Variants in NF2 observed in about 807,000 individuals in gnomAD.
NF2 encodes NF2, moesin-ezrin-radixin like (MERLIN) tumor suppressor.
A neutral mutation model predicts 83.7 loss-of-function variants in NF2; 8 were observed. The observed-to-expected ratio is 0.10, with a 90% CI of 0.06 to 0.17. The LOEUF is 0.17. Among genes scored for constraint, NF2 ranks in the 10% least tolerant of loss-of-function variants. The pLI is 1.00. For synonymous variants in NF2, 266 were observed against 269.6 expected, an observed-to-expected ratio of 0.99 and a Z score of 0.13; for missense variants, 533 against 744.4, an observed-to-expected ratio of 0.72 and a Z score of 3.31.
intron 8 of NF2, among the ~76,000 whole-genome samples, chr22:29,662,383 C>T (rs923558954): frequency 6.6e-6 from 1 of 152,210 alleles, no homozygotes; most frequent in African/African-American, 2.4e-5. Flanking sequence ...CCACCTCAGC[C>T]TCCCAAAGTG....
At chr22:29,618,541 A>G (rs1187533143) in intron 1 of NF2, among the ~76,000 whole-genome samples, 1 of 152,176 alleles carries the variant, frequency 6.6e-6, no homozygotes, top group Non-Finnish European at 1.5e-5. Flanking sequence ...TTCCACTTGA[A>G]AGATTTGTTG....
chr22:29,662,410 G>A (rs771536200), intron 8 of NF2, among the ~76,000 whole-genome samples: 5 of 152,206 alleles, frequency 3.3e-5, no homozygotes, highest in Admixed American at 2.6e-4. Flanking sequence ...TTACAGGTGT[G>A]AGCCACTGTG....
chr22:29,613,071 GGGCAA>G (rs1954136569), intron 1 of NF2, among the ~76,000 whole-genome samples: 3 of 151,838 alleles, frequency 2.0e-5, no homozygotes, highest in Admixed American at 1.3e-4. Flanking sequence ...ACTCCAGCTT[GGGCAA>G]CAAGAGCGAA....
chr22:29,681,294 A>G, intron 14 of NF2, 145 bp from the exon 15 acceptor site: 1 of 884,722 alleles, frequency 1.1e-6, no homozygotes, highest in Non-Finnish European at 1.9e-6. Context: ...CCAAGCTCCC[A>G]TGGCCTGTGA....
intron 8 of NF2, among the ~76,000 whole-genome samples, chr22:29,662,759 G>A (rs1395238632): frequency 6.6e-6 from 1 of 152,232 alleles, no homozygotes; most frequent in Non-Finnish European, 1.5e-5. Flanking sequence ...GCAGAGATTA[G>A]GAGCCAGAGT....
rs1378725834 is a variant in NF2, at chr22:29,639,085, T to C, written c.241-5T>C. The C allele has an allele frequency of 1.9e-6, 3 of 1,614,146 alleles. No individual in the cohort carries two copies. Among genetic ancestry groups the C allele is most frequent in the African/African-American group, 2.7e-5 (2 of 74,956 alleles). On this transcript the variant is annotated splice_region_variant and splice_polypyrimidine_tract_variant and intron_variant, in intron 2 of 15. Transcript: ENST00000338641. Reference sequence around the variant, plus strand: ...GTGTTTGTCTTTTGCTCTGCAATTCTGCAGGTACTGGATCATGATGTTTCA... The same window carrying C: ...GTGTTTGTCTTTTGCTCTGCAATTCCGCAGGTACTGGATCATGATGTTTCA...
intron 1 of NF2, among the ~76,000 whole-genome samples, chr22:29,612,684 GA>G (rs1387253081): frequency 1.3e-5 from 2 of 151,988 alleles, no homozygotes; most frequent in Non-Finnish European, 2.9e-5. Context: ...TAAATAAATA[GA>G]AAATAGCTCT....
intron 6 of NF2, among the ~76,000 whole-genome samples, chr22:29,657,008 G>A (rs1022920488): frequency 1.3e-4 from 19 of 151,334 alleles, no homozygotes; most frequent in Non-Finnish European, 1.5e-4. Context: ...CTTCAAATCA[G>A]TTTCCTAACA....
At chr22:29,688,005 CT>C (rs2067309602) in intron 15 of NF2, among the ~76,000 whole-genome samples, 3 of 152,366 alleles carry the variant, frequency 2.0e-5, no homozygotes, top group Admixed American at 2.0e-4. Flanking sequence ...CTGAAGGCCA[CT>C]CCTACCACTC....
intron 15 of NF2, among the ~76,000 whole-genome samples, chr22:29,686,629 G>T (rs892835346): frequency 5.3e-5 from 8 of 152,206 alleles, no homozygotes; most frequent in Admixed American, 5.2e-4. Flanking sequence ...ACAAGAGCAA[G>T]ATTCCATCTC....
chr22:29,644,131 G>T (rs1390798638), intron 4 of NF2, among the ~76,000 whole-genome samples: 4 of 151,746 alleles, frequency 2.6e-5, no homozygotes, highest in African/African-American at 4.8e-5. Context: ...ATATGGGGCG[G>T]CTGCCTGGCG....
chr22:29,672,939 G>T (rs1422542555), intron 11 of NF2, among the ~76,000 whole-genome samples: 2 of 152,106 alleles, frequency 1.3e-5, no homozygotes, highest in Non-Finnish European at 2.9e-5. Context: ...TCTCTTGCAG[G>T]GGACAAAAAA....
At chr22:29,632,376 G>A (rs1312148311) in intron 1 of NF2, among the ~76,000 whole-genome samples, 1 of 152,088 alleles carries the variant, frequency 6.6e-6, no homozygotes, top group East Asian at 1.9e-4. Context: ...TTTCTACCAT[G>A]AGCCAGTTTA....
chr22:29,666,554 G>A (rs1252779377), intron 9 of NF2, among the ~76,000 whole-genome samples: 3 of 152,022 alleles, frequency 2.0e-5, no homozygotes, highest in South Asian at 2.1e-4. Flanking sequence ...GGTGGCTCAC[G>A]CCTGTAATCT....
chr22:29,644,963 G>A lies in NF2; in HGVS notation c.447+2678G>A, dbSNP rs190388056. ...GAGAGGGAGACCATGGGGAGAGGGA[G>A]AGGGAGAGGGCACTTGTGTGATTTT... On this transcript the variant is annotated intron_variant, in intron 4 of 15. Transcript: ENST00000338641. Among the ~76,000 whole-genome samples the A allele has an allele frequency of 5.6e-3, 848 of 152,244 alleles. 4 individuals carry two copies. Among genetic ancestry groups the A allele is most frequent in the Admixed American group, 0.012 (180 of 15,304 alleles).
chr22:29,644,092 C>T (rs1415504113), intron 4 of NF2, among the ~76,000 whole-genome samples: 1 of 150,956 alleles, frequency 6.6e-6, no homozygotes, highest in African/African-American at 2.4e-5. Context: ...GACGGGGTGG[C>T]TGCCGGGCGG....
At position 29,694,284 on chromosome 22, in the gene NF2, C is replaced by T. The variant is rs1316550416; in HGVS notation, c.1738-468C>T. Among the ~76,000 whole-genome samples, 1 of 152,234 alleles carries T rather than the reference C, an allele frequency of 6.6e-6. No individual in the cohort carries two copies. Among genetic ancestry groups the T allele is most frequent in the Non-Finnish European group, 1.5e-5 (1 of 68,040 alleles). On this transcript the variant is annotated intron_variant, in intron 15 of 15. Transcript: ENST00000338641. The surrounding 1 kb of genome is among the most constrained non-coding windows in gnomAD (Gnocchi z 4.1). ...CCTCATCTGCCACAGGCCTGCCTTG[C>T]CTCAGGCCACGTCACCTTACCCCAG...
intron 4 of NF2, among the ~76,000 whole-genome samples, chr22:29,651,998 A>G (rs2066161354): frequency 6.6e-6 from 1 of 152,142 alleles, no homozygotes; most frequent in Non-Finnish European, 1.5e-5. Flanking sequence ...AATAATAATA[A>G]TACCTGACTT....
intron 13 of NF2, among the ~76,000 whole-genome samples, chr22:29,676,120 A>G (rs1017792501): frequency 2.0e-5 from 3 of 152,048 alleles, no homozygotes; most frequent in Non-Finnish European, 4.4e-5. Flanking sequence ...TGAGCAGTCA[A>G]CTGGGCTGAA....
Sources: gnomAD v4.1 joint callset for allele counts (sites outside exome capture counted in the v4.1 genomes callset) on GRCh38, gnomAD v4.1.1 for gene constraint, Gnocchi (gnomAD v3.1) non-coding constraint, MANE v1.5 for transcripts, NCBI Gene and HGNC (gene_info 2026-07-23, HGNC 2026-07-21) for gene names.